Variants in SIL1 observed in about 807,000 individuals in gnomAD.
The protein encoded by SIL1 is SIL1 nucleotide exchange factor.
In SIL1, 40 loss-of-function variants were observed where a neutral mutation model predicts 49.1. That is an observed-to-expected ratio of 0.81 (90% CI 0.63 to 1.06). The LOEUF (loss-of-function observed/expected upper bound fraction) is 1.06, where lower values mean the gene tolerates loss of function less well. Among genes scored for constraint, SIL1 ranks in the 50% least tolerant of loss-of-function variants. SIL1 has a pLI of 0.00. For synonymous variants in SIL1, 253 were observed against 250.8 expected (o/e 1.01, Z -0.08); for missense variants, 500 against 572.6 (o/e 0.87, Z 1.29).
At chr5:139,062,668 A>G (rs1351175857) in intron 3 of SIL1, among the ~76,000 whole-genome samples, 2 of 152,214 alleles carry the variant, frequency 1.3e-5, no homozygotes, top group African/African-American at 4.8e-5. Flanking sequence ...AACGCTTTCC[A>G]CAGACAAGGA....
At chr5:138,960,605 G>GTTTTGT (rs747745379) in intron 7 of SIL1, among the ~76,000 whole-genome samples, 10 of 151,934 alleles carry the variant, frequency 6.6e-5, no homozygotes, top group East Asian at 5.8e-4. Flanking sequence ...GCCCAGTTTT[G>GTTTTGT]TTTTGTTTTT....
intron 3 of SIL1, among the ~76,000 whole-genome samples, chr5:139,116,324 T>TC (rs886406352): frequency 1.3e-5 from 2 of 152,224 alleles, no homozygotes; most frequent in African/African-American, 4.8e-5. Context: ...TTCTTTTTTT[T>TC]CCCCCTCACA....
intron 4 of SIL1, among the ~76,000 whole-genome samples, chr5:139,050,263 C>G (rs767936260): frequency 2.6e-5 from 4 of 152,174 alleles, no homozygotes; most frequent in Non-Finnish European, 5.9e-5. Context: ...ACTGAGCTTT[C>G]AAAATGCACA....
At chr5:138,960,863 G>C (rs1484345816) in intron 7 of SIL1, among the ~76,000 whole-genome samples, 1 of 152,132 alleles carries the variant, frequency 6.6e-6, no homozygotes, top group Non-Finnish European at 1.5e-5. Flanking sequence ...TATTATACCG[G>C]CCTAATCTGC....
At chr5:139,003,360 G>T (rs532493353) in intron 7 of SIL1, among the ~76,000 whole-genome samples, 1 of 152,226 alleles carries the variant, frequency 6.6e-6, no homozygotes, top group East Asian at 1.9e-4. Context: ...AGGGAGCTCT[G>T]GGTGCTTGGC....
chr5:139,158,818 A>G (rs1313978538), intron 1 of SIL1, among the ~76,000 whole-genome samples: 6 of 152,210 alleles, frequency 3.9e-5, no homozygotes, highest in African/African-American at 1.4e-4. Context: ...TTCTTAAGAT[A>G]TTCTGGCTCC....
chr5:139,144,510 C>T (rs1372588735), intron 1 of SIL1, among the ~76,000 whole-genome samples: 2 of 152,098 alleles, frequency 1.3e-5, no homozygotes, highest in African/African-American at 2.4e-5. Context: ...CCTCACATCT[C>T]TATAGTCAAC....
intron 3 of SIL1, among the ~76,000 whole-genome samples, chr5:139,080,051 A>G (rs1669941157): frequency 6.6e-6 from 1 of 152,054 alleles, no homozygotes; most frequent in Non-Finnish European, 1.5e-5. Flanking sequence ...ACTGAAAGCT[A>G]CCAACTTTAC....
chr5:138,996,529 T>C (rs1767874252), intron 7 of SIL1, among the ~76,000 whole-genome samples: 1 of 144,932 alleles, frequency 6.9e-6, no homozygotes, highest in Non-Finnish European at 1.5e-5. Flanking sequence ...TTTTTTTTTT[T>C]TTTTTTTTTG....
chr5:139,130,125 A>C (rs945825510), intron 1 of SIL1, among the ~76,000 whole-genome samples: 2 of 151,998 alleles, frequency 1.3e-5, no homozygotes, highest in African/African-American at 4.8e-5. Context: ...CAAATTAAAA[A>C]TTTTTTAAAT....
intron 3 of SIL1, among the ~76,000 whole-genome samples, chr5:139,070,896 T>C (rs1769816672): frequency 1.3e-5 from 2 of 152,178 alleles, no homozygotes; most frequent in Admixed American, 1.3e-4. Context: ...GAAATACCTC[T>C]TTATAAAAGT....
At chr5:139,038,155 A>G (rs910694390) in intron 5 of SIL1, among the ~76,000 whole-genome samples, 1 of 152,254 alleles carries the variant, frequency 6.6e-6, no homozygotes, top group Non-Finnish European at 1.5e-5. Context: ...TTGCAGGGTT[A>G]GGGCTTCAAC....
chr5:139,197,544 G>A lies in SIL1; in HGVS notation c.-11+725C>T, dbSNP rs1033596611. Among the ~76,000 whole-genome samples the A allele has an allele frequency of 2.0e-5, 3 of 152,088 alleles. No individual in the cohort carries two copies. The East Asian group carries it at 5.8e-4, about 29-fold the overall frequency. On this transcript the variant is annotated intron_variant, in intron 1 of 9. Transcript: ENST00000394817. ...ATCAAATGGCATTCTAATTCCTCCG[G>A]TGCAAAGAAAGCCCCAGCCTCACAC... is the stretch of plus-strand genomic sequence containing the variant.
chr5:139,134,259 T>G (rs1034719324), intron 1 of SIL1, among the ~76,000 whole-genome samples: 11 of 152,312 alleles, frequency 7.2e-5, no homozygotes, highest in African/African-American at 2.6e-4. Context: ...CTGGGACTAC[T>G]ACCGAGTAGC....
intron 5 of SIL1, among the ~76,000 whole-genome samples, chr5:139,036,718 G>A (rs932550754): frequency 1.3e-5 from 2 of 152,096 alleles, no homozygotes; most frequent in Non-Finnish European, 2.9e-5. Context: ...GAATAGGGAG[G>A]GGATCAGGAA....
chr5:138,953,469 G>C (rs2150379218), intron 7 of SIL1: 1 of 152,428 alleles, frequency 6.6e-6, no homozygotes, highest in Admixed American at 6.5e-5. Flanking sequence ...GCTTTCTAAA[G>C]AGAAAAGCTC....
Position 139,127,787 on chromosome 5 carries a change from C to T in SIL1, c.57G>A (p.Gly19=). Reference sequence around the variant, plus strand: ...AGGTGAAGCAGGCGGCCATCAGCAGCCCAAGCAGCATGCCCAGAGGAGCCA... The same window carrying T: ...AGGTGAAGCAGGCGGCCATCAGCAGTCCAAGCAGCATGCCCAGAGGAGCCA... ...SRMAPLGMLL[G]LLMAACFTFC... The change falls in exon 2 of 10, where the codon GGG becomes GGA. Residue 19 remains glycine, a synonymous_variant. Transcript: ENST00000394817. 1.9e-6 allele frequency: 3 copies of T among 1,611,102 alleles called. No individual in the cohort carries two copies. Among genetic ancestry groups the T allele is most frequent in the South Asian group, 1.1e-5 (1 of 90,624 alleles).
chr5:139,165,083 A>G (rs1003877431), intron 1 of SIL1, among the ~76,000 whole-genome samples: 2 of 152,164 alleles, frequency 1.3e-5, no homozygotes, highest in African/African-American at 4.8e-5. Context: ...CCAGGAGATA[A>G]TCAACTAAGA....
intron 3 of SIL1, among the ~76,000 whole-genome samples, chr5:139,092,832 T>A (rs1770371236): frequency 6.6e-6 from 1 of 152,198 alleles, no homozygotes. Context: ...ATTATGAGGT[T>A]GCTATGGTTT....
Sources: allele counts gnomAD v4.1 joint callset (sites outside exome capture counted in the v4.1 genomes callset), GRCh38; gene constraint gnomAD v4.1.1; transcripts MANE v1.5; gene names NCBI Gene and HGNC (gene_info 2026-07-23, HGNC 2026-07-21).